GFER: variants seen among roughly 807,000 people sequenced by gnomAD.
GFER encodes FAD-linked sulfhydryl oxidase ALR.
In GFER, 24 loss-of-function variants were observed where a neutral mutation model predicts 18.2. The observed-to-expected ratio is 1.32, with a 90% CI of 0.96 to 1.86. The LOEUF (loss-of-function observed/expected upper bound fraction) is 1.86. Ranked by LOEUF, GFER falls within the 40% of genes most tolerant of loss-of-function variation. The pLI is 0.00. For synonymous variants in GFER, 138 were observed against 126.9 expected, an observed-to-expected ratio of 1.09 and a Z score of -0.59; for missense variants, 316 against 295.6, an observed-to-expected ratio of 1.07 and a Z score of -0.51.
intron 2 of GFER, 125 bp downstream of exon 2, chr16:1,985,068 G>A (rs929832047): frequency 1.3e-6 from 1 of 770,966 alleles, no homozygotes; most frequent in Non-Finnish European, 2.2e-6. Flanking sequence ...TGAGGAGCAG[G>A]GACCTCCAAC....
chr16:1,985,440 G>A (rs1567335392), intron 2 of GFER, among the ~76,000 whole-genome samples: 1 of 152,222 alleles, frequency 6.6e-6, no homozygotes, highest in Admixed American at 6.5e-5. Flanking sequence ...GAAGTCTCTT[G>A]CTGAACTGAC....
Position 1,987,019 on chromosome 16 carries a change from T to A in GFER, c.*991T>A, listed in dbSNP as rs913127877. ...TGGCTTTGAAGGGTCCTCTGGCTGC[T>A]GAGCTGGGATGAGGCAGGTAAGGGT... On this transcript the variant is annotated 3_prime_UTR_variant, in exon 3 of 3. Coordinates refer to ENST00000248114, the MANE Select transcript of GFER (RefSeq NM_005262.3). 1 of 151,926 alleles carries A rather than the reference T, an allele frequency of 6.6e-6. No individual in the cohort carries two copies. The highest frequency in any genetic ancestry group is 6.6e-5 in the Admixed American group (1 of 15,236). 9.4% of individuals were successfully genotyped at this position (151,926 alleles called of 1,614,324 possible).
Position 1,984,584 on chromosome 16 carries a change from C to A in GFER, c.258+108C>A, listed in dbSNP as rs550296574. On this transcript the variant is annotated intron_variant, in intron 1 of 2. Coordinates refer to ENST00000248114, the MANE Select transcript of GFER (RefSeq NM_005262.3). Reference sequence around the variant, plus strand: ...GGGTTGCCTGTCCCTGAACCTTGCCCCCCGGGTAGGCCCGGCCTTACAGCC... The same window carrying A: ...GGGTTGCCTGTCCCTGAACCTTGCCACCCGGGTAGGCCCGGCCTTACAGCC... 3.3e-3 allele frequency: 4,659 copies of A among 1,407,774 alleles called. 19 individuals carry two copies. The highest frequency in any genetic ancestry group is 9.3e-3 in the South Asian group (782 of 83,774). 87.2% of individuals were successfully genotyped at this position (1,407,774 alleles called of 1,614,324 possible). A position where few individuals can be genotyped will look rare whatever the true frequency, so the allele number is the denominator to read the frequency against.
Position 1,984,218 on chromosome 16 carries a change from C to A in GFER, c.-1C>A. 6.8e-7 allele frequency: 1 copy of A among 1,473,582 alleles called. No individual in the cohort carries two copies. The highest frequency in any genetic ancestry group is 2.9e-5 in the East Asian group (1 of 34,610). 91.3% of individuals were successfully genotyped at this position (1,473,582 alleles called of 1,614,324 possible). On this transcript the variant is annotated 5_prime_UTR_variant, in exon 1 of 3. Transcript: ENST00000248114. ...GACCCGGCAGGCCTTGCGCGGGCAA[C>A]ATGGCGGCGCCCGGCGAGCGGGGCC...
At chr16:1,984,533 C>A in intron 1 of GFER, 57 bp downstream of exon 1, 1 of 1,523,106 alleles carries the variant, frequency 6.6e-7, no homozygotes, top group Non-Finnish European at 8.8e-7. Flanking sequence ...CCCGCCCCCG[C>A]CCAGGTACCC....
At chr16:1,985,038 C>A in intron 2 of GFER, 95 bp downstream of exon 2, 1 of 975,826 alleles carries the variant, frequency 1.0e-6, no homozygotes, top group African/African-American at 1.6e-5. Context: ...GAAACGGATG[C>A]AGAGGTGGCA....
chr16:1,985,015 C>T (rs928741231), intron 2 of GFER, 72 bp downstream of exon 2: 14 of 1,210,780 alleles, frequency 1.2e-5, no homozygotes, highest in Admixed American at 1.7e-5. Context: ...GACGTTATAG[C>T]GGGGAACGTA....
chr16:1,984,574 G>A lies in GFER; in HGVS notation c.258+98G>A. 2.8e-6 allele frequency: 4 copies of A among 1,430,604 alleles called. No homozygotes were observed. In the East Asian group the frequency reaches 7.3e-5, roughly 26 times the overall value. 88.6% of individuals were successfully genotyped at this position (1,430,604 alleles called of 1,614,324 possible). On this transcript the variant is annotated intron_variant, in intron 1 of 2. Transcript: ENST00000248114. ...GAGCTTCCCAGGGTTGCCTGTCCCT[G>A]AACCTTGCCCCCCGGGTAGGCCCGG...
chr16:1,984,582 C>A, intron 1 of GFER, 106 bp downstream of exon 1: 2 of 1,407,860 alleles, frequency 1.4e-6, no homozygotes, highest in East Asian at 2.4e-5. Flanking sequence ...CTGAACCTTG[C>A]CCCCCGGGTA....
rs199541169 is a variant in GFER at position 1,985,946 on chromosome 16, G to A, written c.536G>A (p.Arg179His). 1.3e-4 allele frequency: 209 copies of A among 1,612,884 alleles called. No individual in the cohort carries two copies. Among genetic ancestry groups the A allele is most frequent in the Admixed American group, 2.2e-4 (13 of 60,006 alleles). ...WLCHLHNEVN[R>H]KLGKPDFDCS... Reference sequence around the variant, plus strand: ...TGCCACCTGCACAATGAAGTGAACCGCAAGCTGGGCAAGCCTGACTTCGAC... The same window carrying A: ...TGCCACCTGCACAATGAAGTGAACCACAAGCTGGGCAAGCCTGACTTCGAC... Residue 179 changes from arginine to histidine, a missense_variant, in exon 3 of 3, where the codon CGC becomes CAC. Physicochemically the swap from Arg to His is conservative, Grantham distance 29. Coordinates refer to ENST00000248114, the MANE Select transcript of GFER (RefSeq NM_005262.3).
chr16:1,985,752 C>A, intron 2 of GFER, 114 bp from the exon 3 acceptor site: 1 of 975,138 alleles, frequency 1.0e-6, no homozygotes, highest in Non-Finnish European at 1.6e-6. Context: ...AGGGCACTCC[C>A]AGGTGTAGTT....
Position 1,986,217 on chromosome 16 carries a change from C to T in GFER, c.*189C>T. ...GAAGTGGAGGTGCCCACAGCAGGTA[C>T]CCACTGGCCCCCTCCTCAGTGGAGA... On this transcript the variant is annotated 3_prime_UTR_variant, in exon 3 of 3. Transcript: ENST00000248114. 1 of 647,312 alleles carries T rather than the reference C, an allele frequency of 1.5e-6. No homozygotes were observed. Among genetic ancestry groups the T allele is most frequent in the South Asian group, 1.7e-5 (1 of 59,266 alleles). The allele number at this position is 647,312 out of a possible 1,614,324, so 40.1% of individuals were successfully genotyped here. A position where few individuals can be genotyped will look rare whatever the true frequency, so the allele number is the denominator to read the frequency against.
chr16:1,985,056 G>C (rs534308773), intron 2 of GFER, 113 bp downstream of exon 2: 1 of 846,680 alleles, frequency 1.2e-6, no homozygotes, highest in East Asian at 2.6e-5. Context: ...GCAGAAGTTT[G>C]CTGAGGAGCA....
intron 2 of GFER, 119 bp downstream of exon 2, chr16:1,985,062 G>A (rs1224074281): frequency 1.3e-6 from 1 of 799,304 alleles, no homozygotes; most frequent in Non-Finnish European, 2.1e-6. Flanking sequence ...GTTTGCTGAG[G>A]AGCAGGGACC....
intron 2 of GFER, 172 bp downstream of exon 2, chr16:1,985,115 G>C: frequency 1.5e-6 from 1 of 669,308 alleles, no homozygotes; most frequent in South Asian, 1.6e-5. Context: ...TCCTCCTCTC[G>C]TCTCAGAAGC....
intron 2 of GFER, among the ~76,000 whole-genome samples, chr16:1,985,532 C>G (rs1480072734): frequency 6.6e-6 from 1 of 152,266 alleles, no homozygotes; most frequent in Non-Finnish European, 1.5e-5. Context: ...CCAGGCCACA[C>G]TCTGCCTGAG....
Position 1,985,849 on chromosome 16 carries a change from C to G in GFER, c.456-17C>G. 1 of 1,609,502 alleles carries G rather than the reference C, an allele frequency of 6.2e-7. No individual in the cohort carries two copies. Among genetic ancestry groups the G allele is most frequent in the Non-Finnish European group, 8.5e-7 (1 of 1,178,902 alleles). On this transcript the variant is annotated splice_polypyrimidine_tract_variant and intron_variant, in intron 2 of 2. Transcript: ENST00000248114. Reference sequence around the variant, plus strand: ...GCCGCTGCGTCCTCTCATTCTTTACCTGCTCTCCCTACACAGGCTGTGCAG... The same window carrying G: ...GCCGCTGCGTCCTCTCATTCTTTACGTGCTCTCCCTACACAGGCTGTGCAG...
In GFER at chr16:1,986,085, G is replaced by A. The variant is rs572404227; in HGVS notation, c.*57G>A. On this transcript the variant is annotated 3_prime_UTR_variant, in exon 3 of 3. Coordinates refer to ENST00000248114, the MANE Select transcript of GFER (RefSeq NM_005262.3). ...AGCCAGGCATGGTTGGATAGGGGCA[G>A]GGCACTCATTAAAGTGCATCACAGC... 2.8e-5 allele frequency: 44 copies of A among 1,557,174 alleles called. 1 individual carries two copies. In the African/African-American group the frequency reaches 5.5e-4, roughly 20 times the overall value.
At chr16:1,985,802 G>A (rs2150895641) in intron 2 of GFER, 64 bp from the exon 3 acceptor site, 1 of 1,431,580 alleles carries the variant, frequency 7.0e-7, no homozygotes, top group Admixed American at 1.7e-5. Context: ...ACAGCAGACA[G>A]GGAACTGGCA....
Sources: gnomAD v4.1 joint callset for allele counts (sites outside exome capture counted in the v4.1 genomes callset) on GRCh38, gnomAD v4.1.1 for gene constraint, MANE v1.5 for transcripts, NCBI Gene and HGNC (gene_info 2026-07-23, HGNC 2026-07-21) for gene names.